The following ZFHX3 variants were observed in gnomAD, a reference collection of about 807,000 sequenced individuals.
The protein encoded by ZFHX3 is zinc finger homeobox protein 3.
A neutral mutation model predicts 279.1 loss-of-function variants in ZFHX3; 42 were observed. That is an observed-to-expected ratio of 0.15 (90% confidence interval 0.12 to 0.19). The LOEUF (loss-of-function observed/expected upper bound fraction) is 0.19, where lower values mean the gene tolerates loss of function less well. ZFHX3 is among the 10% of genes least tolerant of loss of function. ZFHX3 has a pLI of 1.00. For missense variants in ZFHX3, 4,981 were observed against 4,754.0 expected, an observed-to-expected ratio of 1.05 and a Z score of -1.40; for synonymous variants, 2,293 against 1,957.8, an observed-to-expected ratio of 1.17 and a Z score of -4.52.
chr16:73,194,671 T>C (rs555126732), intron 5 of ZFHX3, among the ~76,000 whole-genome samples: 104 of 152,338 alleles, frequency 6.8e-4, no homozygotes, highest in African/African-American at 2.4e-3. Flanking sequence ...CATAAATCTT[T>C]TTCTTGAGTG....
intron 2 of ZFHX3, among the ~76,000 whole-genome samples, chr16:73,459,527 C>A (rs2018435678): frequency 6.6e-6 from 1 of 152,076 alleles, no homozygotes; most frequent in South Asian, 2.1e-4. Context: ...CACACCAGCT[C>A]ATTTTTGTAA....
chr16:73,564,533 C>T (rs530831053), intron 2 of ZFHX3, among the ~76,000 whole-genome samples: 26 of 152,314 alleles, frequency 1.7e-4, no homozygotes, highest in African/African-American at 6.3e-4. Context: ...TCTCAAGACT[C>T]TGGCTCCTTG....
chr16:73,622,486 G>A (rs182561055), intron 2 of ZFHX3, among the ~76,000 whole-genome samples: 14 of 152,164 alleles, frequency 9.2e-5, no homozygotes, highest in South Asian at 6.2e-4. Context: ...GGTGTGAACC[G>A]GGGAGGTGGA....
At chr16:72,968,694 C>T (rs1567611362) in intron 1 of ZFHX3, among the ~76,000 whole-genome samples, 1 of 152,114 alleles carries the variant, frequency 6.6e-6, no homozygotes, top group Non-Finnish European at 1.5e-5. Context: ...AACTCCTGAC[C>T]TCCAGTGATC....
chr16:73,545,119 C>T (rs2143758548), intron 2 of ZFHX3, among the ~76,000 whole-genome samples: 1 of 152,026 alleles, frequency 6.6e-6, no homozygotes, highest in African/African-American at 2.4e-5. Context: ...ACAGTGAGGC[C>T]CCTCGGAAGC....
chr16:73,281,844 C>A (rs1416539181), intron 4 of ZFHX3, among the ~76,000 whole-genome samples: 3 of 152,150 alleles, frequency 2.0e-5, no homozygotes. Flanking sequence ...GTGAAACACA[C>A]TAATCAGAGA....
chr16:73,589,209 G>A (rs2051962789), intron 2 of ZFHX3, among the ~76,000 whole-genome samples: 1 of 133,342 alleles, frequency 7.5e-6, no homozygotes, highest in Admixed American at 8.5e-5. Context: ...GCAGTGAGCT[G>A]AGATTGTGCC....
intron 3 of ZFHX3, among the ~76,000 whole-genome samples, chr16:72,946,051 T>C (rs1448689905): frequency 6.6e-6 from 1 of 152,214 alleles, no homozygotes; most frequent in Non-Finnish European, 1.5e-5. Context: ...TGAATCCCAA[T>C]GAGTTTCTTA....
intron 3 of ZFHX3, among the ~76,000 whole-genome samples, chr16:72,896,447 G>A (rs968395925): frequency 6.6e-6 from 1 of 152,110 alleles, no homozygotes; most frequent in African/African-American, 2.4e-5. Flanking sequence ...GAGGCACCTC[G>A]GATAAAGGGG....
At chr16:73,419,806 T>C (rs902451779) in intron 3 of ZFHX3, among the ~76,000 whole-genome samples, 4 of 152,148 alleles carry the variant, frequency 2.6e-5, no homozygotes, top group Non-Finnish European at 4.4e-5. Context: ...CATAAGGGTG[T>C]TGATACTTTT....
chr16:73,165,591 C>G, intron 5 of ZFHX3, among the ~76,000 whole-genome samples: 1 of 152,130 alleles, frequency 6.6e-6, no homozygotes, highest in South Asian at 2.1e-4. Context: ...GTCAGCGTGG[C>G]CTGAGTCAAT....
chr16:73,443,589 T>C lies in ZFHX3; in HGVS notation c.-1291+12414A>G, dbSNP rs550028946. Among the ~76,000 whole-genome samples the C allele has an allele frequency of 2.2e-4, 33 of 152,320 alleles. 1 individual carries two copies. Among genetic ancestry groups the C allele is most frequent in the Admixed American group, 9.1e-4 (14 of 15,310 alleles). ...CTAATGGAAGCCAAAGGTCAGCATT[T>C]TCAGCCTTATGACTTTGGTGCATTC... is the stretch of plus-strand genomic sequence containing the variant. On this transcript the variant is annotated intron_variant, in intron 3 of 17. Coordinates refer to the ZFHX3 transcript ENST00000641206.
At chr16:73,045,699 G>C (rs1378648186) in intron 1 of ZFHX3, among the ~76,000 whole-genome samples, 1 of 144,114 alleles carries the variant, frequency 6.9e-6, no homozygotes, top group Non-Finnish European at 1.5e-5. Flanking sequence ...TAGTTAGCAA[G>C]TGTTTCTCAA....
At position 72,798,460 on chromosome 16, in the gene ZFHX3, G is replaced by C. The variant is rs1462848866; in HGVS notation, c.4222C>G (p.Leu1408Val). 12 of 1,614,244 alleles carry C rather than the reference G, an allele frequency of 7.4e-6. No homozygotes were observed. The highest frequency in any genetic ancestry group is 1.7e-5 in the Admixed American group (1 of 60,030). ...AACTTTTCAATGGTCTTGAAGGCCA[G>C]GCTACACTGATTACAGCGGTACTTG... ...VYKYRCNQCS[L>V]AFKTIEKLQL... is the part of the protein sequence containing the mutation. Residue 1408 changes from leucine (L) to valine (V), a missense_variant, in exon 9 of 10, where the codon CTG becomes GTG. By Grantham distance (32) the Leu-to-Val change is conservative (BLOSUM62 1). Coordinates refer to ENST00000268489, the MANE Select transcript of ZFHX3 (RefSeq NM_006885.4).
At chr16:72,874,066 G>C (rs533444494) in intron 4 of ZFHX3, among the ~76,000 whole-genome samples, 2 of 152,264 alleles carry the variant, frequency 1.3e-5, no homozygotes, top group African/African-American at 4.8e-5. Flanking sequence ...TGCAGTCCCA[G>C]CCAATGAGAT....
rs1180079650 is a variant in ZFHX3, at chr16:73,246,614, T to A, written c.-1104+10433A>T. On this transcript the variant is annotated intron_variant, in intron 5 of 17. Coordinates refer to the ZFHX3 transcript ENST00000641206. ...TTGATTAATCTCTATTTGCTGTTCATCTATATGTATTTAAAAAAGGAGAGA... is the reference window on the plus strand; with the variant it reads ...TTGATTAATCTCTATTTGCTGTTCAACTATATGTATTTAAAAAAGGAGAGA... Among the ~76,000 whole-genome samples the A allele has an allele frequency of 2.0e-5, 3 of 152,122 alleles. No individual in the cohort carries two copies. The East Asian group carries it at 5.8e-4, about 29-fold the overall frequency.
intron 4 of ZFHX3, among the ~76,000 whole-genome samples, chr16:73,308,531 G>A (rs2015247696): frequency 6.6e-6 from 1 of 151,798 alleles, no homozygotes; most frequent in Admixed American, 6.6e-5. Context: ...CCAGGTGGGA[G>A]TTCACCAGAT....
chr16:73,771,654 A>G (rs564784815), intron 1 of ZFHX3, among the ~76,000 whole-genome samples: 93 of 152,076 alleles, frequency 6.1e-4, no homozygotes, highest in African/African-American at 1.9e-3. Flanking sequence ...TGTTCCTTTC[A>G]TTTCCATTAC....
intron 4 of ZFHX3, among the ~76,000 whole-genome samples, chr16:73,269,622 A>G (rs1419565889): frequency 6.6e-6 from 1 of 152,086 alleles, no homozygotes; most frequent in Non-Finnish European, 1.5e-5. Flanking sequence ...ACGAATATTC[A>G]TGTACATCTT....
Sources: allele counts gnomAD v4.1 joint callset (sites outside exome capture counted in the v4.1 genomes callset), GRCh38; gene constraint gnomAD v4.1.1; transcripts MANE v1.5; gene names NCBI Gene and HGNC (gene_info 2026-07-23, HGNC 2026-07-21).